KIF5A: variants seen among roughly 807,000 people sequenced by gnomAD.
The protein encoded by KIF5A is kinesin heavy chain isoform 5A.
A neutral mutation model predicts 141.3 loss-of-function variants in KIF5A; 35 were observed. The observed-to-expected ratio is 0.25, with a 90% CI of 0.19 to 0.33. The LOEUF is 0.33. Among genes scored for constraint, KIF5A ranks in the 10% least tolerant of loss-of-function variants. The pLI is 1.00. For missense variants in KIF5A, 861 were observed against 1,314.3 expected, an observed-to-expected ratio of 0.66 and a Z score of 5.33; for synonymous variants, 448 against 500.2, an observed-to-expected ratio of 0.90 and a Z score of 1.39.
At chr12:57,577,976 TG>T in intron 21 of KIF5A, 32 bp from the exon 22 acceptor site, 1 of 1,564,862 alleles carries the variant, frequency 6.4e-7, no homozygotes, top group Non-Finnish European at 8.8e-7. Flanking sequence ...ACCTGGTATC[TG>T]GCTATTCCCA....
Position 57,581,513 on chromosome 12 carries a change from C to G in KIF5A, c.2854C>G (p.Gln952Glu), listed in dbSNP as rs566471141. ...ECISYTNSLF[Q>E]NYQNLYLQAT... ...CATCAGTTACACCAACAGCCTCTTC[C>G]AGAACTACCAGAATCTCTACCTGCA... The change falls in exon 25 of 29, where the codon CAG becomes GAG. Residue 952 changes from glutamine (Q) to glutamate (E), a missense_variant. By Grantham distance (29) the Gln-to-Glu change is conservative. Transcript: ENST00000455537. The G allele has an allele frequency of 3.1e-6, 5 of 1,614,148 alleles. No individual in the cohort carries two copies. Among genetic ancestry groups the G allele is most frequent in the Admixed American group, 1.7e-5 (1 of 60,010 alleles).
chr12:57,568,753 T>C (rs1594916451), intron 8 of KIF5A, among the ~76,000 whole-genome samples: 1 of 151,280 alleles, frequency 6.6e-6, no homozygotes, highest in African/African-American at 2.4e-5. Flanking sequence ...TCATGTAATA[T>C]GTGGCAGGGG....
Position 57,571,914 on chromosome 12 carries a change from C to T in KIF5A, c.1363-147C>T, listed in dbSNP as rs972112379. 9 of 715,538 alleles carry T rather than the reference C, an allele frequency of 1.3e-5. No homozygotes were observed. In the African/African-American group the frequency reaches 1.4e-4, roughly 11 times the overall value. 44.3% of individuals were successfully genotyped at this position (715,538 alleles called of 1,614,324 possible). Reference sequence around the variant, plus strand: ...TCTGGGGGCTTCTTCATTCTTCATTCTGTTGCCCTATTTCTATGAAACCTA... The same window carrying T: ...TCTGGGGGCTTCTTCATTCTTCATTTTGTTGCCCTATTTCTATGAAACCTA... On this transcript the variant is annotated intron_variant, in intron 13 of 28. Coordinates refer to ENST00000455537, the MANE Select transcript of KIF5A (RefSeq NM_004984.4).
chr12:57,569,441 C>A, intron 10 of KIF5A, 37 bp downstream of exon 10: 1 of 1,613,854 alleles, frequency 6.2e-7, no homozygotes, highest in Non-Finnish European at 8.5e-7. Flanking sequence ...CCCTGGTACC[C>A]AGCTTCCCAT....
At position 57,569,067 on chromosome 12, in the gene KIF5A, T is replaced by C; in HGVS notation, c.819T>C (p.Thr273=). The C allele has an allele frequency of 6.2e-7, 1 of 1,611,360 alleles. No individual in the cohort carries two copies. Among genetic ancestry groups the C allele is most frequent in the Non-Finnish European group, 8.5e-7 (1 of 1,177,584 alleles). Residue 273 remains threonine, a splice_region_variant and synonymous_variant, in exon 9 of 29, where the codon ACT becomes ACC. Transcript: ENST00000455537. The part of the protein sequence containing the change: ...GNVISALAEG[T]KSYVPYRDSK... ...TGATCTCCGCACTGGCTGAGGGCACTGTGAGTGATCCTTAGGTCCCCTCAC... is the reference window on the plus strand; with the variant it reads ...TGATCTCCGCACTGGCTGAGGGCACCGTGAGTGATCCTTAGGTCCCCTCAC...
Position 57,581,674 on chromosome 12 carries a change from C to A in KIF5A, c.2909+106C>A, listed in dbSNP as rs894661648. ...GTTGTGGCTTAATTATTTTCCTAAA[C>A]CCTTTCTCAACTTCATGCCTATGAT... On this transcript the variant is annotated intron_variant, in intron 25 of 28. Coordinates refer to ENST00000455537, the MANE Select transcript of KIF5A (RefSeq NM_004984.4). 2.9e-6 allele frequency: 4 copies of A among 1,400,124 alleles called. No individual in the cohort carries two copies. The African/African-American group carries it at 5.7e-5, about 20-fold the overall frequency. The allele number at this position is 1,400,124 out of a possible 1,614,324, so 86.7% of individuals were successfully genotyped here. A position where few individuals can be genotyped will look rare whatever the true frequency, so the allele number is the denominator to read the frequency against.
intron 1 of KIF5A, among the ~76,000 whole-genome samples, chr12:57,560,789 C>T (rs1447960686): frequency 1.3e-5 from 2 of 151,536 alleles, no homozygotes; most frequent in Admixed American, 1.3e-4. Context: ...ATTGCTTGAG[C>T]CCAGGAGTTT....
At chr12:57,567,813 A>G (rs996386292) in intron 8 of KIF5A, among the ~76,000 whole-genome samples, 195 bp downstream of exon 8, 2 of 151,406 alleles carry the variant, frequency 1.3e-5, no homozygotes, top group African/African-American at 4.9e-5. Context: ...GGTGCCCACC[A>G]CCACGCCTGG....
intron 15 of KIF5A, among the ~76,000 whole-genome samples, chr12:57,574,081 CAAA>C (rs1160470796): frequency 1.6e-5 from 1 of 64,264 alleles, no homozygotes; most frequent in Admixed American, 1.8e-4. Flanking sequence ...GACTCTGTCT[CAAA>C]AAAAAAAAAA....
rs1440314998 is a variant in KIF5A at position 57,559,799 on chromosome 12, A to C, written c.130-3640A>C. Among the ~76,000 whole-genome samples the C allele has an allele frequency of 2.6e-5, 4 of 152,336 alleles. No homozygotes were observed. The South Asian group carries it at 8.3e-4, about 32-fold the overall frequency. On this transcript the variant is annotated intron_variant, in intron 1 of 28. Transcript: ENST00000455537. ...GAACTTCATATGAAGGGAGTAATAC[A>C]GTATGTGCTCTTTTGTGTTTGGATT... is the stretch of plus-strand genomic sequence containing the variant.
At chr12:57,556,593 T>C (rs1462830066) in intron 1 of KIF5A, among the ~76,000 whole-genome samples, 7 of 151,040 alleles carry the variant, frequency 4.6e-5, no homozygotes, top group Non-Finnish European at 1.0e-4. Flanking sequence ...TCCATTTTAA[T>C]GCGTCTGTGG....
Position 57,572,816 on chromosome 12 carries a change from A to G in KIF5A, c.1716+90A>G. Reference sequence around the variant, plus strand: ...TCCAGGCCTTCACAGATACTGAGAAAGGCAGCCAGAGAGCCAGGAAACATG... The same window carrying G: ...TCCAGGCCTTCACAGATACTGAGAAGGGCAGCCAGAGAGCCAGGAAACATG... On this transcript the variant is annotated intron_variant, in intron 15 of 28. Coordinates refer to ENST00000455537, the MANE Select transcript of KIF5A (RefSeq NM_004984.4). This position sits in a 1 kb window ranked among gnomAD's most constrained non-coding sequence, Gnocchi z 4.2. 6.8e-7 allele frequency: 1 copy of G among 1,473,522 alleles called. No individual in the cohort carries two copies. Among genetic ancestry groups the G allele is most frequent in the South Asian group, 1.1e-5 (1 of 87,958 alleles). The allele number at this position is 1,473,522 out of a possible 1,614,324, so 91.3% of individuals were successfully genotyped here.
rs992985887 is a variant in KIF5A, at chr12:57,572,501, T to C, written c.1570-79T>C. 5 of 1,583,188 alleles carry C rather than the reference T, an allele frequency of 3.2e-6. No individual in the cohort carries two copies. Among genetic ancestry groups the C allele is most frequent in the Non-Finnish European group, 3.5e-6 (4 of 1,156,152 alleles). On this transcript the variant is annotated intron_variant, in intron 14 of 28. Transcript: ENST00000455537. This position sits in a 1 kb window ranked among gnomAD's most constrained non-coding sequence, Gnocchi z 4.2. Reference sequence around the variant, plus strand: ...TCATAGCAGCCCTCAGGGTCTTGCATGAAGGGAGAGGCCTCTGCCTGGGCT... The same window carrying C: ...TCATAGCAGCCCTCAGGGTCTTGCACGAAGGGAGAGGCCTCTGCCTGGGCT...
chr12:57,572,932 G>A lies in KIF5A; in HGVS notation c.1716+206G>A, dbSNP rs1433564998. 6.6e-6 allele frequency among the ~76,000 whole-genome samples: 1 copy of A among 152,262 alleles called. No individual in the cohort carries two copies. The highest frequency in any genetic ancestry group is 1.5e-5 in the Non-Finnish European group (1 of 68,050). On this transcript the variant is annotated intron_variant, in intron 15 of 28. Transcript: ENST00000455537. The surrounding 1 kb of genome is among the most constrained non-coding windows in gnomAD (Gnocchi z 4.2). ...AGGTTGGGCGCAGTGGCTCACCGCT[G>A]TAATCCCAGCACTTTGGGAGGCCGA...
chr12:57,579,448 TA>T (rs1218808857), intron 23 of KIF5A, among the ~76,000 whole-genome samples: 3 of 152,212 alleles, frequency 2.0e-5, no homozygotes, highest in African/African-American at 7.2e-5. Context: ...GCCTAGCACT[TA>T]AACTTCTTTT....
intron 15 of KIF5A, among the ~76,000 whole-genome samples, chr12:57,574,007 T>A (rs1051839492): frequency 3.6e-5 from 5 of 139,890 alleles, no homozygotes; most frequent in African/African-American, 1.4e-4. Context: ...GGCGTGAACC[T>A]GGGAGGCGGA....
chr12:57,565,090 T>G (rs907349096), intron 6 of KIF5A, 117 bp downstream of exon 6: 1 of 888,396 alleles, frequency 1.1e-6, no homozygotes, highest in Non-Finnish European at 1.9e-6. Flanking sequence ...GAATGAGATG[T>G]GCCTAGGGGC....
chr12:57,567,277 G>A, intron 7 of KIF5A, 64 bp downstream of exon 7: 1 of 1,407,820 alleles, frequency 7.1e-7, no homozygotes, highest in Non-Finnish European at 1.0e-6. Flanking sequence ...TGTCCTCTGG[G>A]GTGGAGGGAC....
At position 57,581,526 on chromosome 12, in the gene KIF5A, ATCT is replaced by A. The variant is rs575223790; in HGVS notation, c.2868_2870del (p.Leu957del). ...AACAGCCTCTTCCAGAACTACCAGA[ATCT>A]CTACCTGCAGGCCACACCCAGCTCC... On this transcript the variant is annotated inframe_deletion, in exon 25 of 29. Coordinates refer to ENST00000455537, the MANE Select transcript of KIF5A (RefSeq NM_004984.4). The A allele has an allele frequency of 6.2e-6, 10 of 1,614,016 alleles. No individual in the cohort carries two copies. The South Asian group carries it at 8.8e-5, about 14-fold the overall frequency.
Sources: allele counts gnomAD v4.1 joint callset (sites outside exome capture counted in the v4.1 genomes callset), GRCh38; gene constraint gnomAD v4.1.1; non-coding constraint Gnocchi (gnomAD v3.1); transcripts MANE v1.5; gene names NCBI Gene and HGNC (gene_info 2026-07-23, HGNC 2026-07-21).